MCM9: variants seen among roughly 807,000 people sequenced by gnomAD.
MCM9 encodes the protein DNA helicase MCM9.
A neutral mutation model predicts 72.8 loss-of-function variants in MCM9; 55 were observed. That is an observed-to-expected ratio of 0.76 (90% CI 0.61 to 0.95). MCM9 has a LOEUF of 0.95. MCM9 is among the 40% of genes least tolerant of loss of function. The probability of loss-of-function intolerance (pLI) is 0.00; values close to 1 mark genes in which losing one functional copy is unlikely to be tolerated. For synonymous variants in MCM9, 480 were observed against 503.4 expected (o/e 0.95, Z 0.62); for missense variants, 1,279 against 1,377.0 (o/e 0.93, Z 1.13).
intron 9 of MCM9, among the ~76,000 whole-genome samples, chr6:118,834,819 T>C (rs567062114): frequency 6.6e-6 from 1 of 152,330 alleles, no homozygotes; most frequent in Admixed American, 6.5e-5. Flanking sequence ...TTCACTCTGA[T>C]GATAGTTTCT....
intron 9 of MCM9, among the ~76,000 whole-genome samples, chr6:118,853,710 A>G (rs1171349533): frequency 6.6e-6 from 1 of 152,134 alleles, no homozygotes. Flanking sequence ...GGGGTGGGTG[A>G]ATGGCTTGAG....
At chr6:118,911,216 C>T (rs1212708079) in intron 8 of MCM9, 1 of 982,210 alleles carries the variant, frequency 1.0e-6, no homozygotes, top group East Asian at 1.1e-4. Context: ...ATAAACATTC[C>T]CTACCTAAGA....
intron 9 of MCM9, among the ~76,000 whole-genome samples, chr6:118,829,969 G>GA (rs761049620): frequency 3.3e-4 from 51 of 152,322 alleles, no homozygotes; most frequent in African/African-American, 1.2e-3. Flanking sequence ...GTCTGATGAG[G>GA]ACTGGGTTGG....
At chr6:118,867,764 T>C (rs1431201815) in intron 8 of MCM9, among the ~76,000 whole-genome samples, 2 of 152,146 alleles carry the variant, frequency 1.3e-5, no homozygotes, top group African/African-American at 4.8e-5. Flanking sequence ...TAATAATGCA[T>C]TTCTCAGAAT....
intron 13 of MCM9, among the ~76,000 whole-genome samples, chr6:118,824,883 T>A (rs868166611): frequency 6.6e-6 from 1 of 152,202 alleles, no homozygotes; most frequent in Non-Finnish European, 1.5e-5. Context: ...CACCAGAACA[T>A]GCCTCTACAT....
At chr6:118,828,960 GTATT>G in intron 10 of MCM9, 84 bp downstream of exon 10, 1 of 1,316,982 alleles carries the variant, frequency 7.6e-7, no homozygotes, top group South Asian at 1.3e-5. Context: ...CCTATCTTGG[GTATT>G]TATTTAATTT....
chr6:118,883,776 A>C (rs1242258370), intron 8 of MCM9, among the ~76,000 whole-genome samples: 2 of 152,178 alleles, frequency 1.3e-5, no homozygotes, highest in African/African-American at 2.4e-5. Flanking sequence ...AGACATTCCC[A>C]GATAAACAAA....
At chr6:118,885,319 C>T (rs1389919794) in intron 8 of MCM9, among the ~76,000 whole-genome samples, 4 of 151,986 alleles carry the variant, frequency 2.6e-5, no homozygotes, top group African/African-American at 4.8e-5. Flanking sequence ...GTAAACTAAA[C>T]TATTGGCAAG....
chr6:118,839,095 C>T (rs1323609072), intron 9 of MCM9, among the ~76,000 whole-genome samples: 1 of 152,034 alleles, frequency 6.6e-6, no homozygotes, highest in Admixed American at 6.5e-5. Context: ...CATATAGTCC[C>T]ATATTTCTTG....
chr6:118,910,368 G>A (rs79071128), intron 8 of MCM9, among the ~76,000 whole-genome samples: 2,121 of 152,134 alleles, frequency 0.014, 41 homozygotes, highest in African/African-American at 0.048. Flanking sequence ...TTCTATAACC[G>A]TAAAATTTAT....
chr6:118,918,069 A>G, intron 5 of MCM9: 1 of 353,806 alleles, frequency 2.8e-6, no homozygotes, highest in Admixed American at 4.4e-5. Context: ...TGATTCATTC[A>G]TCACAGTTAC....
At chr6:118,868,569 T>G in intron 8 of MCM9, among the ~76,000 whole-genome samples, 1 of 150,208 alleles carries the variant, frequency 6.7e-6, no homozygotes, top group East Asian at 2.0e-4. Flanking sequence ...CAAACAAATT[T>G]AAAAGAAAAA....
chr6:118,858,576 T>C (rs1203286264), intron 8 of MCM9, among the ~76,000 whole-genome samples: 1 of 152,130 alleles, frequency 6.6e-6, no homozygotes, highest in Non-Finnish European at 1.5e-5. Flanking sequence ...TAAAACTGTT[T>C]AAATTTGCAG....
At chr6:118,829,008 T>A (rs1774354975) in intron 10 of MCM9, 40 bp downstream of exon 10, 1 of 1,529,540 alleles carries the variant, frequency 6.5e-7, no homozygotes, top group Non-Finnish European at 8.9e-7. Context: ...TTACAGCTAA[T>A]CTCTCTGTTA....
chr6:118,835,899 T>C (rs1427705092), intron 9 of MCM9, among the ~76,000 whole-genome samples: 1 of 152,184 alleles, frequency 6.6e-6, no homozygotes, highest in Non-Finnish European at 1.5e-5. Flanking sequence ...CTAGGAGTGG[T>C]GAGAGAGGGC....
At position 118,831,195 on chromosome 6, in the gene MCM9, A is replaced by G. The variant is rs1371247876; in HGVS notation, c.1326-1945T>C. On this transcript the variant is annotated intron_variant, in intron 9 of 13. Transcript: ENST00000619706. ...TGGTGAAACCCCATCCCTACTAAAAATACAAAAAATAGCCGGCACGGTGGT... is the reference window on the plus strand; with the variant it reads ...TGGTGAAACCCCATCCCTACTAAAAGTACAAAAAATAGCCGGCACGGTGGT... 2.6e-5 allele frequency among the ~76,000 whole-genome samples: 4 copies of G among 152,214 alleles called. No homozygotes were observed. In the East Asian group the frequency reaches 7.7e-4, roughly 29 times the overall value.
At chr6:118,911,150 C>T in intron 8 of MCM9, 2 of 985,376 alleles carry the variant, frequency 2.0e-6, no homozygotes, top group Non-Finnish European at 2.4e-6. Flanking sequence ...AGAATCATTA[C>T]AACTTATGAA....
intron 13 of MCM9, among the ~76,000 whole-genome samples, chr6:118,817,900 C>CT (rs1773514468): frequency 6.6e-6 from 1 of 152,102 alleles, no homozygotes; most frequent in Non-Finnish European, 1.5e-5. Flanking sequence ...TGATGATGAG[C>CT]TTTTTTTCAT....
chr6:118,836,937 C>T (rs551335469), intron 9 of MCM9, among the ~76,000 whole-genome samples: 1 of 152,074 alleles, frequency 6.6e-6, no homozygotes, highest in South Asian at 2.1e-4. Context: ...GACATAATTG[C>T]TTCTCTAGTT....
Sources: gnomAD v4.1 joint callset for allele counts (sites outside exome capture counted in the v4.1 genomes callset) on GRCh38, gnomAD v4.1.1 for gene constraint, MANE v1.5 for transcripts, NCBI Gene and HGNC (gene_info 2026-07-23, HGNC 2026-07-21) for gene names.